Variants in MACC1 observed in about 807,000 individuals in gnomAD.
MACC1 encodes the protein metastasis-associated in colon cancer protein 1.
MACC1 carries 79 observed loss-of-function variants against 70.7 expected under a neutral mutation model. The ratio of observed to expected loss-of-function variants is 1.12; its 90% CI spans 0.93 to 1.35. MACC1 has a LOEUF of 1.35. Among genes scored for constraint, MACC1 ranks in the 40% most tolerant of loss-of-function variants. The pLI is 0.00. For missense variants in MACC1, 1,106 were observed against 978.1 expected (o/e 1.13, Z -1.74); for synonymous variants, 361 against 347.2 (o/e 1.04, Z -0.44).
At chr7:20,167,289 G>A (rs905749440) in intron 2 of MACC1, among the ~76,000 whole-genome samples, 5 of 151,712 alleles carry the variant, frequency 3.3e-5, no homozygotes, top group African/African-American at 7.3e-5. Context: ...TCCACCTCCC[G>A]GGTTCAAGCA....
intron 1 of MACC1, among the ~76,000 whole-genome samples, chr7:20,178,322 T>A (rs1341368906): frequency 6.6e-5 from 10 of 152,012 alleles, no homozygotes; most frequent in African/African-American, 1.7e-4. Flanking sequence ...TGATTCAATT[T>A]ATGCCTACAT....
chr7:20,160,391 T>G, intron 4 of MACC1, 146 bp from the exon 5 acceptor site: 1 of 938,446 alleles, frequency 1.1e-6, no homozygotes, highest in Non-Finnish European at 1.5e-6. Context: ...TAACATAAAC[T>G]CAATGTTAAA....
At chr7:20,208,199 C>T (rs905144142) in intron 1 of MACC1, among the ~76,000 whole-genome samples, 5 of 152,172 alleles carry the variant, frequency 3.3e-5, no homozygotes, top group African/African-American at 1.2e-4. Context: ...GAAGCGTAAA[C>T]ATGGACTAAT....
chr7:20,136,059 T>A lies in MACC1; in HGVS notation c.*4887A>T, dbSNP rs1781714236. ...GCAAAAAGAATAAAGAAAAACGCAATACATTCTAGTCATTGAACATTTATA... is the reference window on the plus strand; with the variant it reads ...GCAAAAAGAATAAAGAAAAACGCAAAACATTCTAGTCATTGAACATTTATA... On this transcript the variant is annotated 3_prime_UTR_variant, in exon 7 of 7. Coordinates refer to ENST00000400331, the MANE Select transcript of MACC1 (RefSeq NM_182762.4). 6.6e-6 allele frequency: 1 copy of A among 152,166 alleles called. No homozygotes were observed. The highest frequency in any genetic ancestry group is 2.4e-5 in the African/African-American group (1 of 41,440). The allele number at this position is 152,166 out of a possible 1,614,324, so 9.4% of individuals were successfully genotyped here.
Position 20,211,391 on chromosome 7 carries a change from G to C in MACC1, c.-218+5908C>G, listed in dbSNP as rs1782994001. The stretch of plus-strand genomic sequence containing the variant: ...TAATATGATTAATACTAAAGTAAGT[G>C]CCTGTTAAATGGAAAAGTCATATGA... On this transcript the variant is annotated intron_variant, in intron 1 of 6. Transcript: ENST00000400331. 2.0e-5 allele frequency among the ~76,000 whole-genome samples: 3 copies of C among 152,056 alleles called. 1 individual carries two copies. The South Asian group carries it at 6.2e-4, about 32-fold the overall frequency.
chr7:20,165,956 A>G (rs1331465171), intron 2 of MACC1, among the ~76,000 whole-genome samples: 1 of 152,230 alleles, frequency 6.6e-6, no homozygotes, highest in East Asian at 1.9e-4. Flanking sequence ...CAAAAAAGTC[A>G]GAAGATATTT....
At chr7:20,217,083 C>G (rs1019970942) in intron 1 of MACC1, among the ~76,000 whole-genome samples, 1 of 151,926 alleles carries the variant, frequency 6.6e-6, no homozygotes, top group African/African-American at 2.4e-5. Flanking sequence ...TATTCTAAAC[C>G]ATGTCTCAAG....
In MACC1 at chr7:20,212,434, A is replaced by G. The variant is rs144516586; in HGVS notation, c.-218+4865T>C. Among the ~76,000 whole-genome samples the G allele has an allele frequency of 4.5e-3, 688 of 152,308 alleles. 6 individuals carry two copies. The highest frequency in any genetic ancestry group is 0.016 in the African/African-American group (660 of 41,572). On this transcript the variant is annotated intron_variant, in intron 1 of 6. Transcript: ENST00000400331. ...GGGCAAGGTGGTGGCCACAGTAACC[A>G]AGAGAAAACAAAACCTGGGAGGAAA...
intron 1 of MACC1, among the ~76,000 whole-genome samples, chr7:20,194,804 G>C (rs1159680621): frequency 1.3e-5 from 2 of 152,176 alleles, no homozygotes; most frequent in African/African-American, 4.8e-5. Context: ...ACTTCTCCTA[G>C]TTTTATGCCT....
At position 20,159,670 on chromosome 7, in the gene MACC1, C is replaced by T. The variant is rs751221691; in HGVS notation, c.691G>A (p.Asp231Asn). The T allele has an allele frequency of 6.2e-7, 1 of 1,614,166 alleles. No individual in the cohort carries two copies. Among genetic ancestry groups the T allele is most frequent in the Non-Finnish European group, 8.5e-7 (1 of 1,180,034 alleles). The change falls in exon 5 of 7, where the codon GAC becomes AAC. Residue 231 changes from aspartate to asparagine, a missense_variant. Transcript: ENST00000400331. ...CCTTGGGGCACATGAACAGTGATGT[C>T]TGATTCAGGTAATTGTACTGACCCT... ...QGGSVQLPES[D>N]ITVHVPQGHV...
intron 1 of MACC1, among the ~76,000 whole-genome samples, chr7:20,196,256 C>A (rs1467860922): frequency 2.0e-5 from 3 of 152,154 alleles, no homozygotes; most frequent in Non-Finnish European, 4.4e-5. Flanking sequence ...TCTCGGCTCA[C>A]TGCAAGCTCC....
At chr7:20,197,434 A>G (rs1398114141) in intron 1 of MACC1, among the ~76,000 whole-genome samples, 1 of 152,238 alleles carries the variant, frequency 6.6e-6, no homozygotes, top group Non-Finnish European at 1.5e-5. Context: ...TATGTTAAAT[A>G]AACTTAGCCA....
intron 6 of MACC1, among the ~76,000 whole-genome samples, chr7:20,145,454 A>C (rs903603223): frequency 2.6e-5 from 4 of 152,162 alleles, no homozygotes; most frequent in South Asian, 2.1e-4. Flanking sequence ...CAGCAGTAGA[A>C]AATAGAGGTA....
chr7:20,157,620 TAA>T (rs377372670), intron 5 of MACC1, among the ~76,000 whole-genome samples: 76 of 137,406 alleles, frequency 5.5e-4, no homozygotes, highest in Admixed American at 5.8e-4. Flanking sequence ...ACTCATCCCT[TAA>T]AAAAAAAAAA....
chr7:20,178,361 C>T (rs1782445441), intron 1 of MACC1, among the ~76,000 whole-genome samples: 1 of 151,750 alleles, frequency 6.6e-6, no homozygotes, highest in Non-Finnish European at 1.5e-5. Context: ...CATCATTATT[C>T]TTATGTTCTA....
intron 2 of MACC1, among the ~76,000 whole-genome samples, chr7:20,165,708 T>C (rs1293386279): frequency 6.6e-6 from 1 of 152,138 alleles, no homozygotes; most frequent in African/African-American, 2.4e-5. Context: ...TTTTTTTTAC[T>C]TTATCTAGAG....
intron 3 of MACC1, among the ~76,000 whole-genome samples, chr7:20,163,896 A>C (rs1782173355): frequency 1.3e-5 from 2 of 152,222 alleles, no homozygotes; most frequent in African/African-American, 4.8e-5. Flanking sequence ...AGACTGTCCC[A>C]CCTTCTAGTT....
Position 20,159,190 on chromosome 7 carries a change from A to G in MACC1, c.1171T>C (p.Cys391Arg), listed in dbSNP as rs1221895291. ...HPSFTVVLTV[C>R]GHNYMPGQLT... ...TGTCCTGGCATATAATTGTGTCCACAAACTGTTAAAACAACAGTAAAACTG... is the reference window on the plus strand; with the variant it reads ...TGTCCTGGCATATAATTGTGTCCACGAACTGTTAAAACAACAGTAAAACTG... Residue 391 changes from cysteine (C) to arginine (R), a missense_variant, in exon 5 of 7, where the codon TGT becomes CGT. Coordinates refer to ENST00000400331, the MANE Select transcript of MACC1 (RefSeq NM_182762.4). 1.2e-6 allele frequency: 2 copies of G among 1,613,922 alleles called. No homozygotes were observed. The highest frequency in any genetic ancestry group is 2.7e-5 in the African/African-American group (2 of 74,918).
At position 20,164,788 on chromosome 7, in the gene MACC1, T is replaced by C. The variant is rs141803764; in HGVS notation, c.-152-389A>G. 7.3e-3 allele frequency among the ~76,000 whole-genome samples: 1,103 copies of C among 152,082 alleles called. 27 individuals are homozygous for C. The highest frequency in any genetic ancestry group is 0.038 in the Admixed American group (582 of 15,274). ...GCTGAGCTCAAGTTCCTCAGCAAAA[T>C]GTAACAAACTAAATTAAAATGAGGA... On this transcript the variant is annotated intron_variant, in intron 2 of 6. Transcript: ENST00000400331.
Sources: allele counts gnomAD v4.1 joint callset (sites outside exome capture counted in the v4.1 genomes callset), GRCh38; gene constraint gnomAD v4.1.1; transcripts MANE v1.5; gene names NCBI Gene and HGNC (gene_info 2026-07-23, HGNC 2026-07-21).